Variants in FSTL4 observed in about 807,000 individuals in gnomAD.
The protein encoded by FSTL4 is follistatin-related protein 4.
A neutral mutation model predicts 78.2 loss-of-function variants in FSTL4; 28 were observed. The observed-to-expected ratio is 0.36, with a 90% CI of 0.27 to 0.49. FSTL4 has a LOEUF of 0.49. Among genes scored for constraint, FSTL4 ranks in the 20% least tolerant of loss-of-function variants. FSTL4 has a pLI of 0.98. For synonymous variants in FSTL4, 422 were observed against 440.5 expected (o/e 0.96, Z 0.53); for missense variants, 922 against 1,084.9 (o/e 0.85, Z 2.11).
At chr5:133,649,919 A>T in the FSTL4 span, among the ~76,000 whole-genome samples, 1 of 139,452 alleles carries the variant, frequency 7.2e-6, no homozygotes, top group South Asian at 2.4e-4. Flanking sequence ...GAGGCCAAGT[A>T]ATTTATCACA....
chr5:133,425,218 A>G (rs1330027897), intron 3 of FSTL4, among the ~76,000 whole-genome samples: 1 of 143,546 alleles, frequency 7.0e-6, no homozygotes, highest in Non-Finnish European at 1.6e-5. Context: ...AGATTTCTTC[A>G]AAGTGACCTA....
chr5:133,583,151 G>A, intron 2 of FSTL4: 1 of 418,876 alleles, frequency 2.4e-6, no homozygotes, highest in Non-Finnish European at 4.8e-6. Context: ...CAGTGGAAGA[G>A]TCAGCAAACA....
At chr5:133,460,864 A>G (rs988601798) in intron 3 of FSTL4, among the ~76,000 whole-genome samples, 2 of 152,218 alleles carry the variant, frequency 1.3e-5, no homozygotes, top group African/African-American at 4.8e-5. Flanking sequence ...ATCCTCTTTC[A>G]GTTAAATCTG....
chr5:133,823,713 A>G, the FSTL4 span, among the ~76,000 whole-genome samples: 5 of 152,118 alleles, frequency 3.3e-5, no homozygotes, highest in African/African-American at 1.2e-4. Flanking sequence ...TCTTGTCTCA[A>G]GTCCCTCTGT....
At chr5:133,744,116 C>T in the FSTL4 span, among the ~76,000 whole-genome samples, 1 of 152,164 alleles carries the variant, frequency 6.6e-6, no homozygotes, top group East Asian at 1.9e-4. Flanking sequence ...TGAACCAGCA[C>T]ATTTCCTTCA....
chr5:133,362,151 A>G (rs1488825061), intron 4 of FSTL4, among the ~76,000 whole-genome samples: 1 of 152,170 alleles, frequency 6.6e-6, no homozygotes, highest in Non-Finnish European at 1.5e-5. Flanking sequence ...AATTCCATAA[A>G]CCTGTATCAG....
intron 3 of FSTL4, among the ~76,000 whole-genome samples, chr5:133,411,259 C>T (rs948737714): frequency 2.2e-4 from 34 of 152,164 alleles, no homozygotes; most frequent in African/African-American, 8.2e-4. Context: ...AGAATTACAG[C>T]TACTGCAGAG....
At chr5:133,818,931 C>CTATATA in the FSTL4 span, among the ~76,000 whole-genome samples, 138 of 61,782 alleles carry the variant, frequency 2.2e-3, 21 homozygotes, top group Middle Eastern at 0.018. Flanking sequence ...TTAGAAGATA[C>CTATATA]TATATATATA....
At chr5:133,565,404 C>T (rs1760005154) in intron 3 of FSTL4, among the ~76,000 whole-genome samples, 1 of 152,144 alleles carries the variant, frequency 6.6e-6, no homozygotes, top group Non-Finnish European at 1.5e-5. Flanking sequence ...TTTCTTCCTG[C>T]CAGGTTGTAA....
At chr5:133,589,390 AC>A (rs1760575556) in intron 2 of FSTL4, among the ~76,000 whole-genome samples, 1 of 151,854 alleles carries the variant, frequency 6.6e-6, no homozygotes, top group African/African-American at 2.4e-5. Flanking sequence ...AAAAGCAGAA[AC>A]AGAGACCACC....
intron 3 of FSTL4, among the ~76,000 whole-genome samples, chr5:133,559,933 T>C (rs980056412): frequency 2.6e-5 from 4 of 152,128 alleles, no homozygotes; most frequent in Non-Finnish European, 5.9e-5. Context: ...TCAAACAACC[T>C]GGAAGGCCCT....
At chr5:133,798,921 GGAGA>G in the FSTL4 span, among the ~76,000 whole-genome samples, 2 of 141,440 alleles carry the variant, frequency 1.4e-5, no homozygotes, top group African/African-American at 2.7e-5. Context: ...GGCAGGGGAG[GGAGA>G]GAGAAAGGGA....
chr5:133,800,020 G>T, the FSTL4 span, among the ~76,000 whole-genome samples: 2 of 139,184 alleles, frequency 1.4e-5, 1 homozygote, highest in Non-Finnish European at 3.2e-5. Context: ...CGAAACATCA[G>T]CACGCGGCGT....
the FSTL4 span, among the ~76,000 whole-genome samples, chr5:133,839,570 C>A: frequency 2.6e-5 from 4 of 152,152 alleles, no homozygotes; most frequent in African/African-American, 9.7e-5. Flanking sequence ...GAAATTAACA[C>A]CCCATGAACA....
chr5:133,421,230 G>A (rs753413821), intron 3 of FSTL4, among the ~76,000 whole-genome samples: 3 of 152,246 alleles, frequency 2.0e-5, no homozygotes, highest in Non-Finnish European at 2.9e-5. Context: ...TAGCACCATG[G>A]TGCATACAGT....
At chr5:133,747,934 C>G in the FSTL4 span, among the ~76,000 whole-genome samples, 1 of 152,188 alleles carries the variant, frequency 6.6e-6, no homozygotes, top group African/African-American at 2.4e-5. Flanking sequence ...CAGTGGCTCA[C>G]GCCTGTAATC....
At position 133,225,854 on chromosome 5, in the gene FSTL4, C is replaced by A; in HGVS notation, c.1016-35G>T. Reference sequence around the variant, plus strand: ...AGAGTCAGTGCTGGTGAGAAAGAGACGGCCCTGACCTGGACTTGGGCCTGT... The same window carrying A: ...AGAGTCAGTGCTGGTGAGAAAGAGAAGGCCCTGACCTGGACTTGGGCCTGT... On this transcript the variant is annotated intron_variant, in intron 8 of 15. Transcript: ENST00000265342. The surrounding 1 kb of genome is among the most constrained non-coding windows in gnomAD (Gnocchi z 4.6). The A allele has an allele frequency of 6.8e-7, 1 of 1,481,380 alleles. No homozygotes were observed. The highest frequency in any genetic ancestry group is 1.4e-5 in the South Asian group (1 of 69,456). The allele number at this position is 1,481,380 out of a possible 1,614,324, so 91.8% of individuals were successfully genotyped here.
intron 4 of FSTL4, among the ~76,000 whole-genome samples, chr5:133,397,608 T>C (rs1756093963): frequency 6.6e-6 from 1 of 152,224 alleles, no homozygotes; most frequent in African/African-American, 2.4e-5. Context: ...GTGAAGGCTA[T>C]GTGTCCCCCC....
the FSTL4 span, among the ~76,000 whole-genome samples, chr5:133,747,779 T>C: frequency 6.6e-6 from 1 of 152,192 alleles, no homozygotes; most frequent in Non-Finnish European, 1.5e-5. Flanking sequence ...TCTTCTGACC[T>C]CACCTACGTC....
Sources: allele counts gnomAD v4.1 joint callset (sites outside exome capture counted in the v4.1 genomes callset), GRCh38; gene constraint gnomAD v4.1.1; non-coding constraint Gnocchi (gnomAD v3.1); transcripts MANE v1.5; gene names NCBI Gene and HGNC (gene_info 2026-07-23, HGNC 2026-07-21).